FAT3: variants seen among roughly 807,000 people sequenced by gnomAD.
FAT3 encodes protocadherin Fat 3.
A neutral mutation model predicts 310.2 loss-of-function variants in FAT3; 95 were observed. That is an observed-to-expected ratio of 0.31 (90% confidence interval 0.26 to 0.36). The LOEUF is 0.36. Ranked by LOEUF, FAT3 falls within the 10% of genes least tolerant of loss-of-function variation. FAT3 has a pLI of 1.00. For missense variants in FAT3, 5,408 were observed against 5,715.6 expected (o/e 0.95, Z 1.74); for synonymous variants, 2,314 against 2,192.9 (o/e 1.06, Z -1.54).
rs192962103 is a variant in FAT3 at position 92,895,864 on chromosome 11, G to A, written c.*4751G>A. 8 of 152,074 alleles carry A rather than the reference G, an allele frequency of 5.3e-5. No homozygotes were observed. The South Asian group carries it at 8.3e-4, about 16-fold the overall frequency. The allele number at this position is 152,074 out of a possible 1,614,324, so 9.4% of individuals were successfully genotyped here. On this transcript the variant is annotated 3_prime_UTR_variant, in exon 28 of 28. Coordinates refer to ENST00000525166, the MANE Select transcript of FAT3 (RefSeq NM_001367949.2). ...CTATCAGGATGCTTTAATTTGGGGG[G>A]TCGAATATAATTGTAAGTCATCCAC...
chr11:92,869,590 A>T (rs979275244), intron 22 of FAT3, among the ~76,000 whole-genome samples: 2 of 152,210 alleles, frequency 1.3e-5, no homozygotes, highest in Non-Finnish European at 2.9e-5. Flanking sequence ...ATAGTATATC[A>T]ATAGAGGAAG....
rs143551168 is a variant in FAT3, at chr11:92,762,595, A to G, written c.3984+425A>G. Reference sequence around the variant, plus strand: ...GAAAACAACTTTTGAAATTATCAACAATGTGATAGAGCATGGATATAGCTG... The same window carrying G: ...GAAAACAACTTTTGAAATTATCAACGATGTGATAGAGCATGGATATAGCTG... On this transcript the variant is annotated intron_variant, in intron 5 of 27. Transcript: ENST00000525166. 3.6e-3 allele frequency among the ~76,000 whole-genome samples: 546 copies of G among 152,308 alleles called. 7 individuals carry two copies. Among genetic ancestry groups the G allele is most frequent in the African/African-American group, 0.012 (518 of 41,546 alleles).
chr11:92,707,641 C>T (rs761314244), intron 4 of FAT3, among the ~76,000 whole-genome samples: 3 of 152,158 alleles, frequency 2.0e-5, no homozygotes, highest in Non-Finnish European at 2.9e-5. Context: ...GCTTCTTCCC[C>T]GTAGTGCAAT....
chr11:92,382,799 G>C (rs1037636437), intron 2 of FAT3, among the ~76,000 whole-genome samples: 4 of 152,182 alleles, frequency 2.6e-5, no homozygotes, highest in African/African-American at 9.7e-5. Flanking sequence ...GTATGGGTAG[G>C]CCAGGCTTCT....
rs117991994 is a variant in FAT3, at chr11:92,671,777, G to T, written c.3608-25607G>T. Among the ~76,000 whole-genome samples the T allele has an allele frequency of 9.4e-3, 1,426 of 152,160 alleles. 12 individuals carry two copies. The highest frequency in any genetic ancestry group is 0.041 in the Middle Eastern group (12 of 294). ...ATTTGAGTAAGGTGCTTAGATAATAGTAGTGGCTTATTAAATAACTTCTGG... is the reference window on the plus strand; with the variant it reads ...ATTTGAGTAAGGTGCTTAGATAATATTAGTGGCTTATTAAATAACTTCTGG... On this transcript the variant is annotated intron_variant, in intron 3 of 27. Transcript: ENST00000525166.
At chr11:92,411,154 T>TATATA (rs1950258652) in intron 2 of FAT3, among the ~76,000 whole-genome samples, 1 of 142,948 alleles carries the variant, frequency 7.0e-6, no homozygotes, top group African/African-American at 2.6e-5. Flanking sequence ...ATAAATTATA[T>TATATA]ATATATAATA....
At chr11:92,312,657 G>C (rs1947340363) in intron 1 of FAT3, among the ~76,000 whole-genome samples, 2 of 152,170 alleles carry the variant, frequency 1.3e-5, no homozygotes, top group South Asian at 4.1e-4. Context: ...TTCTCTTTTT[G>C]TGAGTATATT....
Position 92,836,557 on chromosome 11 carries a change from TC to T in FAT3, c.10087-7del. ...TGTCTTTTCTTTGTTTTGCTTGTTT[TC>T]CATGAAGCTAATAGCAGAAGATGTA... On this transcript the variant is annotated splice_region_variant and splice_polypyrimidine_tract_variant and intron_variant, in intron 15 of 27. Transcript: ENST00000525166. 6.2e-7 allele frequency: 1 copy of T among 1,610,798 alleles called. No individual in the cohort carries two copies. Among genetic ancestry groups the T allele is most frequent in the Middle Eastern group, 1.7e-4 (1 of 6,034 alleles).
At chr11:92,665,288 T>G (rs1000820198) in intron 3 of FAT3, among the ~76,000 whole-genome samples, 1 of 152,168 alleles carries the variant, frequency 6.6e-6, no homozygotes, top group African/African-American at 2.4e-5. Context: ...AGACGAACGG[T>G]TGACCAGATG....
In FAT3 at chr11:92,887,050, A is replaced by G. The variant is rs750535548; in HGVS notation, c.12988A>G (p.Lys4330Glu). 99 of 1,611,492 alleles carry G rather than the reference A, an allele frequency of 6.1e-5. No homozygotes were observed. The highest frequency in any genetic ancestry group is 5.4e-4 in the Admixed American group (32 of 59,782). Residue 4330 changes from lysine to glutamate, a missense_variant, in exon 25 of 28, where the codon AAA becomes GAA. Physicochemically the swap from Lys to Glu is moderately conservative, Grantham distance 56. Transcript: ENST00000525166. ...AGTGACCTGCTTTGCAGGTAGTAATAAAGGCAGCAACTCTGAAGTTCAGTC... is the reference window on the plus strand; with the variant it reads ...AGTGACCTGCTTTGCAGGTAGTAATGAAGGCAGCAACTCTGAAGTTCAGTC... ...GEVTCFAGSN[K>E]GSNSEVQSLS...
chr11:92,559,123 G>T (rs567405255), intron 3 of FAT3, among the ~76,000 whole-genome samples: 32 of 152,218 alleles, frequency 2.1e-4, no homozygotes, highest in Admixed American at 1.9e-3. Context: ...TTATTTGTGT[G>T]TGCATGTATT....
At chr11:92,512,704 A>G (rs1022410521) in intron 2 of FAT3, among the ~76,000 whole-genome samples, 1 of 151,076 alleles carries the variant, frequency 6.6e-6, no homozygotes, top group Middle Eastern at 3.4e-3. Context: ...CATGGAACTT[A>G]ACATGAGTGA....
At chr11:92,615,727 A>G (rs1940772058) in intron 3 of FAT3, among the ~76,000 whole-genome samples, 2 of 152,044 alleles carry the variant, frequency 1.3e-5, no homozygotes, top group South Asian at 2.1e-4. Context: ...CCTTCATTTC[A>G]TTATGTACCC....
chr11:92,504,668 C>T (rs994024514), intron 2 of FAT3, among the ~76,000 whole-genome samples: 1 of 151,960 alleles, frequency 6.6e-6, no homozygotes, highest in African/African-American at 2.4e-5. Context: ...TTGATTTCCC[C>T]AACAAGATTT....
At chr11:92,443,157 A>T (rs1951118630) in intron 2 of FAT3, among the ~76,000 whole-genome samples, 1 of 152,218 alleles carries the variant, frequency 6.6e-6, no homozygotes, top group Non-Finnish European at 1.5e-5. Flanking sequence ...TTAGAGGTGC[A>T]ATTAGGAAAT....
chr11:92,892,342 AC>A lies in FAT3; in HGVS notation c.*1230del, dbSNP rs1721151213. The A allele has an allele frequency of 6.6e-6, 1 of 152,078 alleles. No homozygotes were observed. The highest frequency in any genetic ancestry group is 2.4e-5 in the African/African-American group (1 of 41,396). 9.4% of individuals were successfully genotyped at this position (152,078 alleles called of 1,614,324 possible). ...CTCTGATCTCTATGGTGTTAGAGAA[AC>A]ATCAAATGCCATATTTTACTCTGGT... On this transcript the variant is annotated 3_prime_UTR_variant, in exon 28 of 28. Transcript: ENST00000525166.
chr11:92,712,980 T>C (rs189825648), intron 4 of FAT3, among the ~76,000 whole-genome samples: 3 of 152,344 alleles, frequency 2.0e-5, no homozygotes, highest in Admixed American at 2.0e-4. Context: ...AGCCCCAGCT[T>C]GCAAGCTTGA....
At chr11:92,485,039 A>C (rs1801071111) in intron 2 of FAT3, among the ~76,000 whole-genome samples, 1 of 152,262 alleles carries the variant, frequency 6.6e-6, no homozygotes, top group South Asian at 2.1e-4. Context: ...TGGGTTAAAG[A>C]ATATTGAGTT....
Position 92,753,249 on chromosome 11 carries a change from G to A in FAT3, c.3670-8607G>A, listed in dbSNP as rs182164771. On this transcript the variant is annotated intron_variant, in intron 4 of 27. Transcript: ENST00000525166. ...AACCCAGCTGAGGTCCCAGCTAATA[G>A]CCATCATCAACCAGCAGATATGTCA... is the stretch of plus-strand genomic sequence containing the variant. Among the ~76,000 whole-genome samples the A allele has an allele frequency of 2.1e-3, 316 of 152,252 alleles. 1 individual carries two copies. Among genetic ancestry groups the A allele is most frequent in the African/African-American group, 7.4e-3 (306 of 41,538 alleles).
Sources: gnomAD v4.1 joint callset for allele counts (sites outside exome capture counted in the v4.1 genomes callset) on GRCh38, gnomAD v4.1.1 for gene constraint, MANE v1.5 for transcripts, NCBI Gene and HGNC (gene_info 2026-07-23, HGNC 2026-07-21) for gene names.